HDAC4: variants seen among roughly 807,000 people sequenced by gnomAD.
The protein encoded by HDAC4 is histone deacetylase A.
Under a neutral mutation model 135.1 loss-of-function variants are expected in HDAC4, and 16 were observed. That is an observed-to-expected ratio of 0.12 (90% confidence interval 0.08 to 0.18). The LOEUF (loss-of-function observed/expected upper bound fraction) is 0.18. HDAC4 is among the 10% of genes least tolerant of loss of function. The pLI is 1.00. For synonymous variants in HDAC4, 685 were observed against 653.4 expected, an observed-to-expected ratio of 1.05 and a Z score of -0.74; for missense variants, 1,143 against 1,511.8, an observed-to-expected ratio of 0.76 and a Z score of 4.05.
At chr2:239,392,939 C>T (rs562184279) in intron 1 of HDAC4, among the ~76,000 whole-genome samples, 85 of 152,264 alleles carry the variant, frequency 5.6e-4, no homozygotes, top group African/African-American at 2.0e-3. Context: ...GCTCGGGTCC[C>T]CCAGCGGGTC....
chr2:239,063,891 T>C lies in HDAC4; in HGVS notation c.3003+2831A>G, dbSNP rs546754409. Among the ~76,000 whole-genome samples the C allele has an allele frequency of 2.1e-4, 32 of 152,360 alleles. No homozygotes were observed. The East Asian group carries it at 5.8e-3, about 28-fold the overall frequency. The stretch of plus-strand genomic sequence containing the variant: ...TTCCCAAGTCTGGGTCAAGGCCCCA[T>C]GGGCCCCATGGCAGCCTTTGGGTGA... On this transcript the variant is annotated intron_variant, in intron 24 of 26. Transcript: ENST00000543185.
chr2:239,059,932 C>T (rs2032431352), intron 24 of HDAC4, among the ~76,000 whole-genome samples: 1 of 152,144 alleles, frequency 6.6e-6, no homozygotes, highest in African/African-American at 2.4e-5. Context: ...TGCAGGAGAG[C>T]TCTCCGGGGG....
At chr2:239,088,058 C>A (rs13418508) in intron 18 of HDAC4, among the ~76,000 whole-genome samples, 2 of 152,212 alleles carry the variant, frequency 1.3e-5, no homozygotes, top group Non-Finnish European at 2.9e-5. Flanking sequence ...GACGTTGTGT[C>A]CCAGCTTGGC....
chr2:239,374,438 C>A (rs568709587), intron 1 of HDAC4, among the ~76,000 whole-genome samples: 360 of 118,508 alleles, frequency 3.0e-3, no homozygotes, highest in Non-Finnish European at 4.7e-3. Context: ...GAGTCTCGCT[C>A]TGTCGCCCAG....
At chr2:239,376,660 C>T (rs963399296) in intron 1 of HDAC4, among the ~76,000 whole-genome samples, 12 of 152,226 alleles carry the variant, frequency 7.9e-5, no homozygotes, top group Non-Finnish European at 1.2e-4. Context: ...TTGCCCGGGA[C>T]GCCTAGTTTT....
intron 12 of HDAC4, among the ~76,000 whole-genome samples, chr2:239,121,453 C>T (rs1263086459): frequency 6.6e-6 from 1 of 152,226 alleles, no homozygotes; most frequent in East Asian, 1.9e-4. Flanking sequence ...CCGCGTCTAC[C>T]GTGCTGTGCA....
In HDAC4 at chr2:239,391,374, C is replaced by T. The variant is rs1696197106; in HGVS notation, c.-220+9604G>A. Among the ~76,000 whole-genome samples the T allele has an allele frequency of 2.0e-5, 3 of 152,208 alleles. No individual in the cohort carries two copies. In the South Asian group the frequency reaches 6.2e-4, roughly 32 times the overall value. On this transcript the variant is annotated intron_variant, in intron 1 of 26. Transcript: ENST00000543185. ...CGGGGAGACGTCCACCACACCACGA[C>T]CTGCTGCAGAGACACCCTGAGCAGG...
chr2:239,063,523 G>GCACT (rs1212933962), intron 24 of HDAC4, among the ~76,000 whole-genome samples: 1 of 152,212 alleles, frequency 6.6e-6, no homozygotes, highest in Non-Finnish European at 1.5e-5. Flanking sequence ...CTTTAAGGCA[G>GCACT]CACTGTCAGC....
At chr2:239,064,495 A>C (rs983741005) in intron 24 of HDAC4, among the ~76,000 whole-genome samples, 3 of 152,120 alleles carry the variant, frequency 2.0e-5, no homozygotes, top group Non-Finnish European at 2.9e-5. Context: ...CGGCCTCAAC[A>C]GAAGGGGAGG....
In HDAC4 at chr2:239,108,110, G is replaced by A. The variant is rs754442298; in HGVS notation, c.2052C>T (p.Ala684=). 15 of 1,609,972 alleles carry A rather than the reference G, an allele frequency of 9.3e-6. No individual in the cohort carries two copies. The highest frequency in any genetic ancestry group is 2.2e-5 in the East Asian group (1 of 44,874). The change falls in exon 15 of 27, where the codon GCC becomes GCT. Residue 684 remains alanine (A), a synonymous_variant. Transcript: ENST00000543185. ...CGSSSSHPEH[A]GRIQSIWSRL... ...GGGACCAGATGCTCTGGATCCTCCC[G>A]GCGTGCTCGGGGTGGCTGCTGCTAC...
At chr2:239,383,168 C>A (rs4852062) in intron 1 of HDAC4, among the ~76,000 whole-genome samples, 10 of 152,196 alleles carry the variant, frequency 6.6e-5, no homozygotes, top group Admixed American at 2.6e-4. Flanking sequence ...AAAGGCTCCC[C>A]TTGTCGAGGA....
intron 3 of HDAC4, among the ~76,000 whole-genome samples, chr2:239,203,765 A>G (rs896427689): frequency 1.3e-5 from 2 of 152,102 alleles, no homozygotes; most frequent in African/African-American, 2.4e-5. Context: ...AGTCTGCAAA[A>G]CCTTCTGTAT....
chr2:239,104,837 A>G (rs1223160348), intron 15 of HDAC4, among the ~76,000 whole-genome samples: 1 of 152,274 alleles, frequency 6.6e-6, no homozygotes, highest in Non-Finnish European at 1.5e-5. Context: ...CACAAATTAA[A>G]GTTGATGTTA....
intron 14 of HDAC4, among the ~76,000 whole-genome samples, chr2:239,109,796 G>A (rs1284062788): frequency 3.3e-5 from 5 of 152,194 alleles, no homozygotes; most frequent in African/African-American, 1.2e-4. Context: ...ACAACCAGTT[G>A]CTCACGGATA....
intron 3 of HDAC4, among the ~76,000 whole-genome samples, chr2:239,196,858 C>T (rs2045419739): frequency 6.6e-6 from 1 of 152,210 alleles, no homozygotes; most frequent in African/African-American, 2.4e-5. Flanking sequence ...AGAGGTCAGG[C>T]ACAGACAAGC....
intron 1 of HDAC4, among the ~76,000 whole-genome samples, chr2:239,370,305 C>T (rs1484785259): frequency 2.6e-5 from 4 of 152,218 alleles, no homozygotes; most frequent in African/African-American, 9.6e-5. Flanking sequence ...TTCCAACTCC[C>T]TCGATCCCAC....
rs1240812217 is a variant in HDAC4, at chr2:239,146,749, C to T, written c.734-2035G>A. On this transcript the variant is annotated intron_variant, in intron 7 of 26. Transcript: ENST00000543185. This position sits in a 1 kb window ranked among gnomAD's most constrained non-coding sequence, Gnocchi z 4.5. ...TCTCCCCTTCCACAGGCCTCTGCTC[C>T]ACGCCCCTCCCAAGGCTGCCCTGAC... is the stretch of plus-strand genomic sequence containing the variant. 2.6e-5 allele frequency among the ~76,000 whole-genome samples: 4 copies of T among 151,682 alleles called. No homozygotes were observed. The highest frequency in any genetic ancestry group is 4.4e-5 in the Non-Finnish European group (3 of 67,864).
intron 7 of HDAC4, among the ~76,000 whole-genome samples, chr2:239,154,399 G>A (rs1430430984): frequency 1.3e-5 from 2 of 152,158 alleles, no homozygotes; most frequent in Admixed American, 6.5e-5. Context: ...ATGAGGAAAT[G>A]GAGGCCAGGG....
At chr2:239,355,026 A>G (rs1020909233) in intron 1 of HDAC4, among the ~76,000 whole-genome samples, 3 of 152,178 alleles carry the variant, frequency 2.0e-5, no homozygotes, top group African/African-American at 7.2e-5. Flanking sequence ...CTTTCCAGGT[A>G]AAACTTTGGG....
Sources: gnomAD v4.1 joint callset for allele counts (sites outside exome capture counted in the v4.1 genomes callset) on GRCh38, gnomAD v4.1.1 for gene constraint, Gnocchi (gnomAD v3.1) non-coding constraint, MANE v1.5 for transcripts, NCBI Gene and HGNC (gene_info 2026-07-23, HGNC 2026-07-21) for gene names.